DOK6: variants seen among roughly 807,000 people sequenced by gnomAD.
The protein encoded by DOK6 is downstream of tyrosine kinase 6.
In DOK6, 22 loss-of-function variants were observed where a neutral mutation model predicts 44.0. The observed-to-expected ratio is 0.50, with a 90% CI of 0.36 to 0.71. The LOEUF is 0.71. Ranked by LOEUF, DOK6 falls within the 30% of genes least tolerant of loss-of-function variation. The pLI, the probability that DOK6 is intolerant of heterozygous loss-of-function variation, is 0.00. For synonymous variants in DOK6, 166 were observed against 145.5 expected (o/e 1.14, Z -1.01); for missense variants, 340 against 416.4 (o/e 0.82, Z 1.60).
Position 69,706,267 on chromosome 18 carries a change from T to C in DOK6, c.599+7674T>C, listed in dbSNP as rs1986630956. Among the ~76,000 whole-genome samples the C allele has an allele frequency of 2.0e-5, 3 of 152,152 alleles. No homozygotes were observed. The South Asian group carries it at 6.2e-4, about 32-fold the overall frequency. ...AGATGGGGGTGCATCTCCCTTCAGA[T>C]TTACATGTCAAAGGCACGGTTCATG... On this transcript the variant is annotated intron_variant, in intron 5 of 7. Coordinates refer to ENST00000382713, the MANE Select transcript of DOK6 (RefSeq NM_152721.6).
At chr18:69,594,575 C>A (rs1983696743) in intron 2 of DOK6, among the ~76,000 whole-genome samples, 1 of 141,484 alleles carries the variant, frequency 7.1e-6, no homozygotes, top group Admixed American at 7.4e-5. Context: ...GAAGTCCTAG[C>A]CAGAGCAAAC....
intron 1 of DOK6, among the ~76,000 whole-genome samples, chr18:69,493,652 A>C (rs1189537853): frequency 6.6e-6 from 1 of 152,228 alleles, no homozygotes; most frequent in African/African-American, 2.4e-5. Flanking sequence ...ACATATATGA[A>C]ATTAGTATGC....
intron 1 of DOK6, among the ~76,000 whole-genome samples, chr18:69,458,432 C>T (rs1979689287): frequency 6.6e-6 from 1 of 152,070 alleles, no homozygotes; most frequent in Non-Finnish European, 1.5e-5. Context: ...AACCCAAGGC[C>T]AATATCATAC....
At chr18:69,500,745 A>G (rs373452216) in intron 1 of DOK6, among the ~76,000 whole-genome samples, 2 of 152,152 alleles carry the variant, frequency 1.3e-5, no homozygotes, top group East Asian at 3.8e-4. Context: ...ATAATATGTA[A>G]TCTTATAATC....
intron 3 of DOK6, among the ~76,000 whole-genome samples, chr18:69,633,628 T>C (rs1307831460): frequency 6.6e-6 from 1 of 152,204 alleles, no homozygotes; most frequent in Non-Finnish European, 1.5e-5. Context: ...CTTTAAAGCC[T>C]ATTTTACACA....
intron 4 of DOK6, among the ~76,000 whole-genome samples, chr18:69,679,139 G>A (rs540762637): frequency 6.6e-6 from 1 of 152,276 alleles, no homozygotes; most frequent in South Asian, 2.1e-4. Flanking sequence ...TTGGGCCACT[G>A]TAGTCCAGCC....
In DOK6 at chr18:69,757,848, C is replaced by G; in HGVS notation, c.831C>G (p.Ser277Arg). Reference protein sequence around the residue: ...AYWHHITRQNSVGEIYSLQGH... With the variant: ...AYWHHITRQNRVGEIYSLQGH... ...GGCATCACATCACTCGTCAGAACAG[C>G]GTTGGTGAAATCTACAGTTTGCAAG... Residue 277 changes from serine to arginine, a missense_variant, in exon 7 of 8, where the codon AGC (serine) becomes AGG (arginine). Coordinates refer to ENST00000382713, the MANE Select transcript of DOK6 (RefSeq NM_152721.6). 6.2e-7 allele frequency: 1 copy of G among 1,614,070 alleles called. No homozygotes were observed. The highest frequency in any genetic ancestry group is 8.5e-7 in the Non-Finnish European group (1 of 1,179,932).
intron 5 of DOK6, among the ~76,000 whole-genome samples, chr18:69,713,348 T>C (rs1486296518): frequency 6.6e-6 from 1 of 152,198 alleles, no homozygotes; most frequent in Non-Finnish European, 1.5e-5. Context: ...CTGTCATCAT[T>C]ATACCAAAAT....
chr18:69,543,494 T>C (rs1982322648), intron 1 of DOK6, among the ~76,000 whole-genome samples: 2 of 151,552 alleles, frequency 1.3e-5, no homozygotes, highest in Non-Finnish European at 3.0e-5. Context: ...TTCTCCATTC[T>C]TTTTTTCCCC....
intron 3 of DOK6, chr18:69,660,670 ATT>A (rs201502374): frequency 0.019 from 2,528 of 134,502 alleles, 78 homozygotes; most frequent in East Asian, 0.13. Context: ...TCTATATCTG[ATT>A]TTTTTTTTTT....
intron 4 of DOK6, among the ~76,000 whole-genome samples, chr18:69,695,721 A>T (rs1360197637): frequency 6.6e-6 from 1 of 152,202 alleles, no homozygotes; most frequent in African/African-American, 2.4e-5. Context: ...TCACTTTTTA[A>T]TTGAATCTGA....
At chr18:69,678,916 A>C (rs1420022110) in intron 4 of DOK6, among the ~76,000 whole-genome samples, 1 of 152,146 alleles carries the variant, frequency 6.6e-6, no homozygotes, top group Non-Finnish European at 1.5e-5. Flanking sequence ...GGTGGCTCAC[A>C]CCTGTAATCC....
chr18:69,745,419 A>G lies in DOK6; in HGVS notation c.738+6316A>G, dbSNP rs115677867. 5.7e-3 allele frequency among the ~76,000 whole-genome samples: 867 copies of G among 152,360 alleles called. 11 individuals are homozygous for G. Among genetic ancestry groups the G allele is most frequent in the African/African-American group, 0.02 (844 of 41,578 alleles). On this transcript the variant is annotated intron_variant, in intron 6 of 7. Coordinates refer to ENST00000382713, the MANE Select transcript of DOK6 (RefSeq NM_152721.6). The stretch of plus-strand genomic sequence containing the variant: ...ACAGACATTATGACAACATACACAC[A>G]TATAACCCAATGGCTCAGACTATCT...
chr18:69,648,917 G>C (rs985410023), intron 3 of DOK6, among the ~76,000 whole-genome samples: 1 of 152,148 alleles, frequency 6.6e-6, no homozygotes, highest in African/African-American at 2.4e-5. Flanking sequence ...TTAAGAGCAA[G>C]AACATGAGCT....
intron 3 of DOK6, among the ~76,000 whole-genome samples, chr18:69,629,837 C>T (rs572664652): frequency 6.6e-6 from 1 of 152,130 alleles, no homozygotes; most frequent in Admixed American, 6.6e-5. Context: ...GCTGTCCAGG[C>T]TGGAGTGCAG....
intron 1 of DOK6, among the ~76,000 whole-genome samples, chr18:69,526,979 C>G (rs1320438444): frequency 6.6e-6 from 1 of 152,188 alleles, no homozygotes; most frequent in Non-Finnish European, 1.5e-5. Context: ...CCTTGCTTAT[C>G]TGTAACCTTC....
intron 5 of DOK6, among the ~76,000 whole-genome samples, chr18:69,731,721 C>T (rs1009328813): frequency 6.6e-6 from 1 of 152,150 alleles, no homozygotes; most frequent in African/African-American, 2.4e-5. Flanking sequence ...AAAAGCATAA[C>T]TCTTCTCTAA....
Position 69,848,721 on chromosome 18 carries a change from C to A in DOK6, c.*7338C>A, listed in dbSNP as rs1403669172. 1 of 152,118 alleles carries A rather than the reference C, an allele frequency of 6.6e-6. No homozygotes were observed. Among genetic ancestry groups the A allele is most frequent in the Admixed American group, 6.6e-5 (1 of 15,266 alleles). The allele number at this position is 152,118 out of a possible 1,614,324, so 9.4% of individuals were successfully genotyped here. On this transcript the variant is annotated 3_prime_UTR_variant, in exon 8 of 8. Coordinates refer to ENST00000382713, the MANE Select transcript of DOK6 (RefSeq NM_152721.6). ...CATCAATAAATAAACCTATTGTTAA[C>A]AATGTCTTATTCATAATTCTAAAAA... is the stretch of plus-strand genomic sequence containing the variant.
chr18:69,449,402 A>T (rs1288990578), intron 1 of DOK6, among the ~76,000 whole-genome samples: 1 of 152,250 alleles, frequency 6.6e-6, no homozygotes, highest in African/African-American at 2.4e-5. Context: ...AAGACCAAAG[A>T]AAGAAAATAG....
Sources: allele counts gnomAD v4.1 joint callset (sites outside exome capture counted in the v4.1 genomes callset), GRCh38; gene constraint gnomAD v4.1.1; transcripts MANE v1.5; gene names NCBI Gene and HGNC (gene_info 2026-07-23, HGNC 2026-07-21).